NSD2: variants seen among roughly 807,000 people sequenced by gnomAD.
NSD2 encodes the protein nuclear receptor binding SET domain protein 2, also known as histone-lysine N-methyltransferase NSD2.
In NSD2, 12 loss-of-function variants were observed where a neutral mutation model predicts 139.0. The ratio of observed to expected loss-of-function variants is 0.09; its 90% confidence interval spans 0.06 to 0.14. The LOEUF is 0.14. Among genes scored for constraint, NSD2 ranks in the 10% least tolerant of loss-of-function variants. The pLI, the probability that NSD2 is intolerant of heterozygous loss-of-function variation, is 1.00. For missense variants in NSD2, 1,155 were observed against 1,745.0 expected (o/e 0.66, Z 6.02); for synonymous variants, 669 against 648.7 (o/e 1.03, Z -0.48).
intron 1 of NSD2, among the ~76,000 whole-genome samples, chr4:1,886,705 G>C (rs925598501): frequency 3.9e-5 from 6 of 152,000 alleles, no homozygotes; most frequent in African/African-American, 1.4e-4. Flanking sequence ...AGGCGTGGTG[G>C]CGTGCACCTG....
At chr4:1,886,590 G>A (rs1466918443) in intron 1 of NSD2, among the ~76,000 whole-genome samples, 1 of 152,134 alleles carries the variant, frequency 6.6e-6, no homozygotes, top group African/African-American at 2.4e-5. Flanking sequence ...CCAGCACTTT[G>A]GGAGGCCGAG....
At chr4:1,968,994 A>G (rs1726161219) in intron 18 of NSD2, among the ~76,000 whole-genome samples, 1 of 152,268 alleles carries the variant, frequency 6.6e-6, no homozygotes, top group Non-Finnish European at 1.5e-5. Flanking sequence ...ACTGTGGGAC[A>G]AACAGACCCA....
At chr4:1,943,031 G>A in intron 9 of NSD2, 1 of 1,050,202 alleles carries the variant, frequency 9.5e-7, no homozygotes, top group Non-Finnish European at 1.1e-6. Flanking sequence ...TTGATCCAAG[G>A]CCCCGGACCA....
intron 1 of NSD2, among the ~76,000 whole-genome samples, chr4:1,892,605 G>A (rs1348398416): frequency 2.6e-5 from 4 of 151,376 alleles, no homozygotes; most frequent in African/African-American, 4.9e-5. Context: ...TTGCCCTGTC[G>A]CCCAGGCTGG....
chr4:1,882,359 C>T (rs973639435), intron 1 of NSD2, among the ~76,000 whole-genome samples: 15 of 152,152 alleles, frequency 9.9e-5, no homozygotes, highest in Non-Finnish European at 5.9e-5. Context: ...CGGATATGTA[C>T]TATGGGCAAG....
At position 1,980,224 on chromosome 4, in the gene NSD2, G is replaced by C. The variant is rs1435834036; in HGVS notation, c.*1315G>C. ...AGTTTTTAAAAGGTCCAGTTCTACA[G>C]AGTGAGACCTATCTATCTGAGTACT... is the stretch of plus-strand genomic sequence containing the variant. On this transcript the variant is annotated 3_prime_UTR_variant, in exon 22 of 22. Transcript: ENST00000508803. The C allele has an allele frequency of 4.3e-6, 1 of 233,176 alleles. No homozygotes were observed. Among genetic ancestry groups the C allele is most frequent in the Non-Finnish European group, 8.5e-6 (1 of 118,044 alleles). The allele number at this position is 233,176 out of a possible 1,614,324, so 14.4% of individuals were successfully genotyped here. A position where few individuals can be genotyped will look rare whatever the true frequency, so the allele number is the denominator to read the frequency against.
At chr4:1,937,014 T>G (rs1355139026) in intron 7 of NSD2, among the ~76,000 whole-genome samples, 4 of 152,116 alleles carry the variant, frequency 2.6e-5, no homozygotes, top group Admixed American at 1.3e-4. Flanking sequence ...AGGTTTGTAG[T>G]TACCAGGAAG....
chr4:1,936,394 G>A (rs1170320365), intron 7 of NSD2, among the ~76,000 whole-genome samples: 1 of 152,094 alleles, frequency 6.6e-6, no homozygotes, highest in Admixed American at 6.6e-5. Flanking sequence ...GTTCTGGCCG[G>A]GTGTGGTAGC....
intron 1 of NSD2, among the ~76,000 whole-genome samples, chr4:1,874,752 C>T (rs943415613): frequency 1.1e-4 from 16 of 152,016 alleles, no homozygotes; most frequent in Non-Finnish European, 1.9e-4. Flanking sequence ...ATTTCTCTAT[C>T]CTTGGTGAAG....
chr4:1,886,953 C>G (rs1658739389), intron 1 of NSD2, among the ~76,000 whole-genome samples: 1 of 152,292 alleles, frequency 6.6e-6, no homozygotes, highest in Middle Eastern at 3.4e-3. Context: ...CCCCCTCTTA[C>G]CTCCCATGTT....
At chr4:1,917,152 AT>A in intron 4 of NSD2, 115 bp downstream of exon 4, 1 of 1,061,304 alleles carries the variant, frequency 9.4e-7, no homozygotes, top group South Asian at 2.0e-5. Flanking sequence ...TGGCTTAACA[AT>A]CTCTTTCATT....
rs757739573 is a variant in NSD2 at position 1,956,192 on chromosome 4, C to T, written c.2881+4C>T. On this transcript the variant is annotated splice_donor_region_variant and intron_variant, in intron 15 of 21. Coordinates refer to ENST00000508803, the MANE Select transcript of NSD2 (RefSeq NM_001042424.3). This position sits in a 1 kb window ranked among gnomAD's most constrained non-coding sequence, Gnocchi z 5.3. ...ATCGGAAGAGTCTTCAAAAACGGTA[C>T]GGAGATATTCAGATAGAGAGTGAGA... 2.7e-5 allele frequency: 43 copies of T among 1,588,942 alleles called. No homozygotes were observed. Among genetic ancestry groups the T allele is most frequent in the South Asian group, 1.7e-4 (15 of 87,902 alleles).
intron 17 of NSD2, 25 bp downstream of exon 17, chr4:1,959,765 G>A: frequency 6.2e-7 from 1 of 1,601,976 alleles, no homozygotes; most frequent in Non-Finnish European, 8.5e-7. Context: ...CCCCTCCCCT[G>A]CTTTTGAGAA....
At position 1,872,561 on chromosome 4, in the gene NSD2, A is replaced by ATT. The variant is rs1364119398; in HGVS notation, c.-30+1022_-30+1023dup. On this transcript the variant is annotated intron_variant, in intron 1 of 21. Transcript: ENST00000508803. Reference sequence around the variant, plus strand: ...AATCGTTTTTAGGTAGATAACGTGTATTTTGTGTGTGTGTGTGTGTGTGTG... The same window carrying ATT: ...AATCGTTTTTAGGTAGATAACGTGTATTTTTTGTGTGTGTGTGTGTGTGTGTG... Among the ~76,000 whole-genome samples the ATT allele has an allele frequency of 3.6e-5, 4 of 110,610 alleles. No homozygotes were observed. In the East Asian group the frequency reaches 1.1e-3, roughly 29 times the overall value. 72.6% of individuals were successfully genotyped at this position (110,610 alleles called of 152,430 possible).
intron 9 of NSD2, 25 bp downstream of exon 9, chr4:1,939,803 C>T: frequency 6.2e-7 from 1 of 1,614,072 alleles, no homozygotes; most frequent in South Asian, 1.1e-5. Flanking sequence ...ATAACGATAA[C>T]CATGGCATTG....
chr4:1,968,232 C>T (rs1213869098), intron 18 of NSD2, among the ~76,000 whole-genome samples: 4 of 152,054 alleles, frequency 2.6e-5, no homozygotes, highest in African/African-American at 4.8e-5. Flanking sequence ...AATGTGAGAT[C>T]CAAGAAGTAA....
intron 9 of NSD2, chr4:1,941,486 TG>T: frequency 2.9e-6 from 3 of 1,047,168 alleles, no homozygotes; most frequent in East Asian, 5.6e-5. Flanking sequence ...TCAGTCTCCC[TG>T]GCCTAGGCAG....
chr4:1,921,018 A>T (rs149141253), intron 5 of NSD2, among the ~76,000 whole-genome samples: 11 of 152,354 alleles, frequency 7.2e-5, no homozygotes, highest in African/African-American at 2.6e-4. Context: ...AGTCTGGGCC[A>T]CAGAGTGAGA....
At chr4:1,975,595 T>C (rs1382325177) in intron 20 of NSD2, 195 bp downstream of exon 20, 1 of 573,034 alleles carries the variant, frequency 1.7e-6, no homozygotes, top group Non-Finnish European at 3.1e-6. Flanking sequence ...TCACTGAACG[T>C]GTTTCCTGGG....
Sources: allele counts gnomAD v4.1 joint callset (sites outside exome capture counted in the v4.1 genomes callset), GRCh38; gene constraint gnomAD v4.1.1; non-coding constraint Gnocchi (gnomAD v3.1); transcripts MANE v1.5; gene names NCBI Gene and HGNC (gene_info 2026-07-23, HGNC 2026-07-21).